The following ZHX2 variants were observed in gnomAD, a reference collection of about 807,000 sequenced individuals.
The protein encoded by ZHX2 is zinc fingers and homeoboxes 2, also known as zinc fingers and homeoboxes protein 2.
In ZHX2, 6 loss-of-function variants were observed where a neutral mutation model predicts 21.9. That is an observed-to-expected ratio of 0.27 (90% CI 0.15 to 0.54). The LOEUF is 0.54. ZHX2 is among the 20% of genes least tolerant of loss of function. The pLI, the probability that ZHX2 is intolerant of heterozygous loss-of-function variation, is 0.95. For missense variants in ZHX2, 908 were observed against 1,090.7 expected (o/e 0.83, Z 2.36); for synonymous variants, 434 against 437.1 (o/e 0.99, Z 0.09).
At chr8:122,858,638 C>CTTTTTTTTT (rs34399149) in intron 1 of ZHX2, among the ~76,000 whole-genome samples, 8 of 82,736 alleles carry the variant, frequency 9.7e-5, no homozygotes, top group Non-Finnish European at 1.2e-4. Context: ...TTCTTTCTTT[C>CTTTTTTTTT]TTTTTTTTTT....
At chr8:122,788,965 G>T (rs150116233) in intron 1 of ZHX2, among the ~76,000 whole-genome samples, 48 of 152,318 alleles carry the variant, frequency 3.2e-4, no homozygotes, top group African/African-American at 1.2e-3. Flanking sequence ...GCCTCTATCA[G>T]TGTCTCCAAG....
At chr8:122,859,316 C>T (rs540469935) in intron 1 of ZHX2, among the ~76,000 whole-genome samples, 1 of 152,318 alleles carries the variant, frequency 6.6e-6, no homozygotes, top group Admixed American at 6.5e-5. Flanking sequence ...CAGCCCCAGC[C>T]AAGTCACTCT....
chr8:122,919,607 C>T (rs1820688350), intron 2 of ZHX2, among the ~76,000 whole-genome samples: 1 of 152,194 alleles, frequency 6.6e-6, no homozygotes, highest in South Asian at 2.1e-4. Context: ...GTGGTAATTA[C>T]TAGTCAAGCT....
intron 1 of ZHX2, among the ~76,000 whole-genome samples, chr8:122,790,852 C>T (rs1817502331): frequency 6.6e-6 from 1 of 152,202 alleles, no homozygotes; most frequent in South Asian, 2.1e-4. Flanking sequence ...AAGCGATCCT[C>T]CCATCTCAGC....
chr8:122,831,386 C>T (rs1313246307), intron 1 of ZHX2, among the ~76,000 whole-genome samples: 2 of 152,028 alleles, frequency 1.3e-5, no homozygotes, highest in Admixed American at 6.6e-5. Context: ...GAGGCTAGGG[C>T]GGAGACGTTA....
chr8:122,941,797 C>T (rs983455788), intron 2 of ZHX2, among the ~76,000 whole-genome samples: 2 of 152,210 alleles, frequency 1.3e-5, no homozygotes, highest in Non-Finnish European at 2.9e-5. Context: ...GGCTGTGCCG[C>T]AGTTGCGTGA....
intron 2 of ZHX2, among the ~76,000 whole-genome samples, chr8:122,903,751 A>G (rs891857630): frequency 2.0e-5 from 3 of 152,208 alleles, no homozygotes; most frequent in Admixed American, 1.3e-4. Context: ...AAGACTAGAA[A>G]GATGAAACTG....
At chr8:122,812,252 T>C (rs1175943472) in intron 1 of ZHX2, among the ~76,000 whole-genome samples, 1 of 152,132 alleles carries the variant, frequency 6.6e-6, no homozygotes, top group African/African-American at 2.4e-5. Flanking sequence ...ATTCTGGAGA[T>C]GTGGGAGCCA....
intron 1 of ZHX2, among the ~76,000 whole-genome samples, chr8:122,845,426 C>A (rs545576403): frequency 1.1e-4 from 16 of 152,318 alleles, no homozygotes; most frequent in Admixed American, 2.6e-4. Flanking sequence ...TTCTGGTTTT[C>A]TACCCAGGAA....
intron 3 of ZHX2, among the ~76,000 whole-genome samples, chr8:122,955,693 G>A (rs1021079540): frequency 3.9e-5 from 6 of 152,098 alleles, no homozygotes; most frequent in African/African-American, 1.2e-4. Flanking sequence ...AAAGGGGAGG[G>A]CGTGAGTGAA....
At chr8:122,935,746 A>G (rs1013216269) in intron 2 of ZHX2, among the ~76,000 whole-genome samples, 2 of 152,072 alleles carry the variant, frequency 1.3e-5, no homozygotes, top group African/African-American at 2.4e-5. Context: ...CATGTTAGCC[A>G]GGATTGTCTC....
chr8:122,872,244 G>A (rs750534084), intron 2 of ZHX2, among the ~76,000 whole-genome samples: 3 of 152,174 alleles, frequency 2.0e-5, no homozygotes, highest in Non-Finnish European at 4.4e-5. Flanking sequence ...GAACCCTGAG[G>A]CAGCATCAGC....
At chr8:122,930,603 A>T (rs1217332965) in intron 2 of ZHX2, among the ~76,000 whole-genome samples, 1 of 148,570 alleles carries the variant, frequency 6.7e-6, no homozygotes, top group Non-Finnish European at 1.5e-5. Context: ...ACCCAAATAG[A>T]TGGGGTTACA....
chr8:122,951,644 A>G lies in ZHX2; in HGVS notation c.134A>G (p.Asp45Gly). 1 of 1,614,056 alleles carries G rather than the reference A, an allele frequency of 6.2e-7. No homozygotes were observed. Among genetic ancestry groups the G allele is most frequent in the Non-Finnish European group, 8.5e-7 (1 of 1,180,002 alleles). ...IGTPQPDVAK[D>G]SWAAELENSS... is the part of the protein sequence containing the mutation. ...ACACCACAGCCTGACGTGGCCAAGG[A>G]CAGTTGGGCAGCAGAACTTGAAAAC... Residue 45 changes from aspartate (D) to glycine (G), a missense_variant, in exon 3 of 4, where the codon GAC becomes GGC. Asp to Gly is a moderately conservative substitution (Grantham distance 94, BLOSUM62 -1). Coordinates refer to ENST00000314393, the MANE Select transcript of ZHX2 (RefSeq NM_014943.5).
At chr8:122,879,262 A>G (rs1306092455) in intron 2 of ZHX2, among the ~76,000 whole-genome samples, 1 of 152,090 alleles carries the variant, frequency 6.6e-6, no homozygotes, top group African/African-American at 2.4e-5. Context: ...GCTGGAGTGC[A>G]GTGGCACGAT....
At chr8:122,890,263 G>T (rs928524957) in intron 2 of ZHX2, among the ~76,000 whole-genome samples, 1 of 152,000 alleles carries the variant, frequency 6.6e-6, no homozygotes, top group Non-Finnish European at 1.5e-5. Flanking sequence ...AAATAAGCTG[G>T]CTATAAATAC....
chr8:122,880,985 T>C (rs1819701635), intron 2 of ZHX2, among the ~76,000 whole-genome samples: 1 of 151,946 alleles, frequency 6.6e-6, no homozygotes, highest in Admixed American at 6.6e-5. Flanking sequence ...CCACCCAGGG[T>C]TTCAGTGCAG....
intron 2 of ZHX2, among the ~76,000 whole-genome samples, chr8:122,910,260 T>C (rs1820446069): frequency 6.6e-6 from 1 of 152,188 alleles, no homozygotes; most frequent in African/African-American, 2.4e-5. Flanking sequence ...ACTATGACTC[T>C]AAAAGTAGGT....
At position 122,798,445 on chromosome 8, in the gene ZHX2, C is replaced by T. The variant is rs377195654; in HGVS notation, c.-283+16499C>T. 1.0e-3 allele frequency among the ~76,000 whole-genome samples: 157 copies of T among 152,150 alleles called. 1 individual carries two copies. The highest frequency in any genetic ancestry group is 4.8e-3 in the South Asian group (23 of 4,822). ...CACATCCTGCCAGGGAATGGTGGTG[C>T]GTTGGAATTTTGGCTCTGAATACAT... On this transcript the variant is annotated intron_variant, in intron 1 of 3. Transcript: ENST00000314393.
Sources: allele counts gnomAD v4.1 joint callset (sites outside exome capture counted in the v4.1 genomes callset), GRCh38; gene constraint gnomAD v4.1.1; transcripts MANE v1.5; gene names NCBI Gene and HGNC (gene_info 2026-07-23, HGNC 2026-07-21).